The following GPR158 variants were observed in gnomAD, a reference collection of about 807,000 sequenced individuals.
GPR158 encodes G protein-coupled receptor 158, also known as metabotropic glycine receptor.
In GPR158, 30 loss-of-function variants were observed where a neutral mutation model predicts 78.2. That is an observed-to-expected ratio of 0.38 (90% CI 0.29 to 0.52). GPR158 has a LOEUF of 0.52. GPR158 is among the 20% of genes least tolerant of loss of function. The probability of loss-of-function intolerance (pLI) is 0.83; values close to 1 mark genes in which losing one functional copy is unlikely to be tolerated. For synonymous variants in GPR158, 581 were observed against 591.1 expected, an observed-to-expected ratio of 0.98 and a Z score of 0.25; for missense variants, 1,463 against 1,523.5, an observed-to-expected ratio of 0.96 and a Z score of 0.66.
intron 5 of GPR158, among the ~76,000 whole-genome samples, chr10:25,489,468 A>C (rs1835776013): frequency 6.6e-6 from 1 of 152,162 alleles, no homozygotes; most frequent in Admixed American, 6.6e-5. Flanking sequence ...TATTCTGAGA[A>C]ACCATTTGTA....
intron 5 of GPR158, among the ~76,000 whole-genome samples, chr10:25,492,791 C>A (rs762223699): frequency 1.3e-5 from 2 of 151,530 alleles, no homozygotes; most frequent in Non-Finnish European, 2.9e-5. Context: ...ATAAACAATT[C>A]AAGCTATCCA....
intron 6 of GPR158, among the ~76,000 whole-genome samples, chr10:25,572,175 C>T (rs1247126663): frequency 6.6e-6 from 1 of 152,104 alleles, no homozygotes; most frequent in Non-Finnish European, 1.5e-5. Flanking sequence ...TGAGAATTTT[C>T]CTTGAAATAT....
At chr10:25,257,334 AT>A (rs1259724665) in intron 2 of GPR158, among the ~76,000 whole-genome samples, 1 of 152,206 alleles carries the variant, frequency 6.6e-6, no homozygotes, top group Non-Finnish European at 1.5e-5. Context: ...TAGCAGTTAC[AT>A]TTCCAACACA....
At chr10:25,376,217 G>T (rs907625374) in intron 2 of GPR158, among the ~76,000 whole-genome samples, 10 of 151,420 alleles carry the variant, frequency 6.6e-5, no homozygotes, top group Non-Finnish European at 1.5e-4. Flanking sequence ...CTTGTTTATT[G>T]TTAGTGTTTA....
chr10:25,205,184 C>G (rs1412886404), intron 1 of GPR158, among the ~76,000 whole-genome samples: 1 of 151,882 alleles, frequency 6.6e-6, no homozygotes, highest in Non-Finnish European at 1.5e-5. Flanking sequence ...TTATAAATTA[C>G]CAAGTTTCAG....
intron 3 of GPR158, among the ~76,000 whole-genome samples, chr10:25,401,371 C>T (rs967475403): frequency 4.6e-5 from 7 of 151,972 alleles, no homozygotes; most frequent in African/African-American, 7.2e-5. Flanking sequence ...ATCCAATTGC[C>T]GGTCTTATGT....
At chr10:25,558,088 G>A (rs1307562931) in intron 6 of GPR158, among the ~76,000 whole-genome samples, 1 of 152,118 alleles carries the variant, frequency 6.6e-6, no homozygotes. Context: ...TCTAATTACA[G>A]CATTACTATT....
chr10:25,527,180 A>T (rs1037132323), intron 5 of GPR158, among the ~76,000 whole-genome samples: 2 of 152,222 alleles, frequency 1.3e-5, no homozygotes, highest in Non-Finnish European at 2.9e-5. Flanking sequence ...AGATGAATTC[A>T]CAGTCAAGTC....
chr10:25,360,290 A>G (rs891175201), intron 2 of GPR158, among the ~76,000 whole-genome samples: 2 of 152,092 alleles, frequency 1.3e-5, no homozygotes, highest in African/African-American at 2.4e-5. Context: ...TTTTGTTGCC[A>G]TTGCTTTTGG....
chr10:25,551,176 G>T, intron 6 of GPR158, 91 bp downstream of exon 6: 1 of 749,112 alleles, frequency 1.3e-6, no homozygotes, highest in Non-Finnish European at 2.4e-6. Context: ...CACTTAAATG[G>T]CTCAGTTTCA....
Position 25,325,417 on chromosome 10 carries a change from A to G in GPR158, c.1009-70494A>G, listed in dbSNP as rs190059635. On this transcript the variant is annotated intron_variant, in intron 2 of 10. Transcript: ENST00000376351. ...ACCAAGCTGAATAGTATTCATGTATATGTGTGTGTGTTTCTAAATATATAT... is the reference window on the plus strand; with the variant it reads ...ACCAAGCTGAATAGTATTCATGTATGTGTGTGTGTGTTTCTAAATATATAT... 3.3e-3 allele frequency among the ~76,000 whole-genome samples: 503 copies of G among 151,852 alleles called. 3 individuals are homozygous for G. The highest frequency in any genetic ancestry group is 0.011 in the African/African-American group (464 of 41,384).
chr10:25,400,165 T>C (rs940502178), intron 3 of GPR158, among the ~76,000 whole-genome samples: 4 of 152,208 alleles, frequency 2.6e-5, no homozygotes, highest in Admixed American at 6.5e-5. Context: ...TGACTTTAGC[T>C]AGGACCTTTG....
rs191225723 is a variant in GPR158, at chr10:25,576,287, C to T, written c.1753+3400C>T. ...TAGCTCACCTCCCACTTATAAATGACGATGTACGGGATTCGGTTTTTCATT... is the reference window on the plus strand; with the variant it reads ...TAGCTCACCTCCCACTTATAAATGATGATGTACGGGATTCGGTTTTTCATT... On this transcript the variant is annotated intron_variant, in intron 7 of 10. Coordinates refer to ENST00000376351, the MANE Select transcript of GPR158 (RefSeq NM_020752.3). 2.2e-4 allele frequency among the ~76,000 whole-genome samples: 34 copies of T among 152,216 alleles called. 1 individual carries two copies. In the East Asian group the frequency reaches 5.4e-3, roughly 24 times the overall value.
At chr10:25,320,832 T>A (rs952053455) in intron 2 of GPR158, among the ~76,000 whole-genome samples, 1 of 152,190 alleles carries the variant, frequency 6.6e-6, no homozygotes, top group African/African-American at 2.4e-5. Context: ...TAATCTGAAC[T>A]GTAGGAAATG....
At chr10:25,340,917 C>A (rs1412881060) in intron 2 of GPR158, among the ~76,000 whole-genome samples, 1 of 151,864 alleles carries the variant, frequency 6.6e-6, no homozygotes, top group Non-Finnish European at 1.5e-5. Flanking sequence ...AAAACCAAAA[C>A]TATACATAGA....
chr10:25,593,945 C>G (rs945888360), intron 8 of GPR158, among the ~76,000 whole-genome samples: 2 of 151,986 alleles, frequency 1.3e-5, no homozygotes, highest in South Asian at 2.1e-4. Context: ...ACTGATAACT[C>G]TACAAATTTG....
At chr10:25,230,664 G>A (rs1156241284) in intron 2 of GPR158, among the ~76,000 whole-genome samples, 2 of 152,168 alleles carry the variant, frequency 1.3e-5, no homozygotes, top group Admixed American at 6.5e-5. Flanking sequence ...ACAGGGGCTA[G>A]TCTGTGACTT....
chr10:25,374,161 C>G lies in GPR158; in HGVS notation c.1009-21750C>G, dbSNP rs1228696245. On this transcript the variant is annotated intron_variant, in intron 2 of 10. Transcript: ENST00000376351. ...CTCATAAATGTGTCGTCGTGAAATG[C>G]CACTCTATTTCTTAGATTTATTTGC... 2.0e-5 allele frequency among the ~76,000 whole-genome samples: 3 copies of G among 151,474 alleles called. No individual in the cohort carries two copies. The East Asian group carries it at 5.8e-4, about 29-fold the overall frequency.
At chr10:25,229,654 C>A (rs1318108879) in intron 2 of GPR158, among the ~76,000 whole-genome samples, 1 of 152,080 alleles carries the variant, frequency 6.6e-6, no homozygotes, top group East Asian at 1.9e-4. Context: ...TGATTCTAGG[C>A]CTATTTTTGT....
Sources: gnomAD v4.1 joint callset for allele counts (sites outside exome capture counted in the v4.1 genomes callset) on GRCh38, gnomAD v4.1.1 for gene constraint, MANE v1.5 for transcripts, NCBI Gene and HGNC (gene_info 2026-07-23, HGNC 2026-07-21) for gene names.